Variants in DYRK1A observed in about 807,000 individuals in gnomAD.
The protein encoded by DYRK1A is dual specificity tyrosine-phosphorylation-regulated kinase 1A.
DYRK1A carries 9 observed loss-of-function variants against 79.7 expected under a neutral mutation model. The ratio of observed to expected loss-of-function variants is 0.11; its 90% confidence interval spans 0.07 to 0.20. The LOEUF (loss-of-function observed/expected upper bound fraction) is 0.20, where lower values mean the gene tolerates loss of function less well. DYRK1A is among the 10% of genes least tolerant of loss of function. The probability of loss-of-function intolerance (pLI) is 1.00; values close to 1 mark genes in which losing one functional copy is unlikely to be tolerated. For missense variants in DYRK1A, 622 were observed against 956.0 expected (o/e 0.65, Z 4.61); for synonymous variants, 349 against 329.7 (o/e 1.06, Z -0.63).
At chr21:37,399,155 A>AG (rs11444449) in intron 1 of DYRK1A, among the ~76,000 whole-genome samples, 152,277 of 152,278 alleles carry the variant, frequency 1, 76,138 homozygotes, top group Non-Finnish European at 1. Context: ...GAGTAGAGAG[A>AG]GCAGAGCCCT....
intron 2 of DYRK1A, among the ~76,000 whole-genome samples, chr21:37,451,668 C>T (rs188849656): frequency 1.5e-3 from 234 of 151,388 alleles, no homozygotes; most frequent in African/African-American, 5.4e-3. Flanking sequence ...CTAGCGTGGG[C>T]GTGCAGTAGG....
intron 4 of DYRK1A, among the ~76,000 whole-genome samples, chr21:37,479,602 T>TTTTGTC (rs2052535576): frequency 1.4e-5 from 1 of 72,318 alleles, no homozygotes; most frequent in East Asian, 5.0e-4. Flanking sequence ...TTGTTTTTGT[T>TTTTGTC]TTTGTTTTTG....
intron 1 of DYRK1A, among the ~76,000 whole-genome samples, chr21:37,370,395 A>G (rs569140778): frequency 5.3e-5 from 8 of 151,802 alleles, no homozygotes; most frequent in Non-Finnish European, 1.2e-4. Flanking sequence ...GAAAATGTGG[A>G]TAGAATTAAC....
At chr21:37,375,960 C>G (rs1001779444) in intron 1 of DYRK1A, among the ~76,000 whole-genome samples, 1 of 152,034 alleles carries the variant, frequency 6.6e-6, no homozygotes, top group African/African-American at 2.4e-5. Flanking sequence ...CCAAGCCCCC[C>G]TCTTCCTATA....
intron 1 of DYRK1A, among the ~76,000 whole-genome samples, chr21:37,402,554 G>A (rs931416934): frequency 1.3e-5 from 2 of 152,056 alleles, no homozygotes; most frequent in African/African-American, 2.4e-5. Context: ...GCTTTAAGCT[G>A]TTTTACTCTG....
chr21:37,433,546 G>A (rs892058164), intron 2 of DYRK1A, among the ~76,000 whole-genome samples: 2 of 152,108 alleles, frequency 1.3e-5, no homozygotes, highest in African/African-American at 2.4e-5. Flanking sequence ...TTTATCCTTC[G>A]GAATTAAAGG....
chr21:37,412,757 G>C (rs1350118432), intron 1 of DYRK1A, among the ~76,000 whole-genome samples: 1 of 152,070 alleles, frequency 6.6e-6, no homozygotes, highest in African/African-American at 2.4e-5. Context: ...TGCGGGAATA[G>C]AGATGGGAAG....
intron 1 of DYRK1A, among the ~76,000 whole-genome samples, chr21:37,386,405 T>G (rs1314286921): frequency 6.6e-6 from 1 of 152,188 alleles, no homozygotes; most frequent in East Asian, 1.9e-4. Flanking sequence ...TTGTCAGACT[T>G]TCTCACGTCG....
At chr21:37,414,349 A>G (rs1265844135) in intron 1 of DYRK1A, among the ~76,000 whole-genome samples, 1 of 152,132 alleles carries the variant, frequency 6.6e-6, no homozygotes, top group Non-Finnish European at 1.5e-5. Flanking sequence ...TCTCTCTACC[A>G]TTAGTCGTGT....
At chr21:37,442,861 G>T (rs148154048) in intron 2 of DYRK1A, among the ~76,000 whole-genome samples, 25 of 152,240 alleles carry the variant, frequency 1.6e-4, no homozygotes, top group East Asian at 5.8e-4. Flanking sequence ...TTGAGACAGG[G>T]TCTCACTCTG....
At chr21:37,413,115 G>A (rs377103284) in intron 1 of DYRK1A, among the ~76,000 whole-genome samples, 5 of 152,240 alleles carry the variant, frequency 3.3e-5, no homozygotes, top group East Asian at 1.9e-4. Flanking sequence ...TAAGGGGGTA[G>A]CATTTCTCTG....
At chr21:37,397,620 G>C (rs2049980027) in intron 1 of DYRK1A, among the ~76,000 whole-genome samples, 1 of 152,144 alleles carries the variant, frequency 6.6e-6, no homozygotes, top group African/African-American at 2.4e-5. Context: ...ATATCACCAG[G>C]CCTCTTGGGC....
intron 2 of DYRK1A, among the ~76,000 whole-genome samples, chr21:37,422,248 C>T (rs1219390254): frequency 6.6e-6 from 1 of 152,100 alleles, no homozygotes; most frequent in Admixed American, 6.5e-5. Context: ...AATATATTAG[C>T]TGTTGGTGTA....
chr21:37,448,682 A>G lies in DYRK1A; in HGVS notation c.11-24002A>G, dbSNP rs118002067. ...GGAGGGAAATATATATAAAACAAGT[A>G]TTTAAAATTTTTTTTGTTTGTTTTT... On this transcript the variant is annotated intron_variant, in intron 2 of 11. Coordinates refer to ENST00000647188, the MANE Select transcript of DYRK1A (RefSeq NM_001347721.2). Among the ~76,000 whole-genome samples the G allele has an allele frequency of 4.0e-4, 61 of 152,272 alleles. 1 individual carries two copies. The East Asian group carries it at 0.011, about 27-fold the overall frequency.
chr21:37,438,211 C>G (rs955766690), intron 2 of DYRK1A, among the ~76,000 whole-genome samples: 1 of 152,076 alleles, frequency 6.6e-6, no homozygotes, highest in East Asian at 1.9e-4. Flanking sequence ...ACATTTGATA[C>G]AAATCCTTTA....
At chr21:37,451,127 G>A (rs536624868) in intron 2 of DYRK1A, among the ~76,000 whole-genome samples, 4 of 152,216 alleles carry the variant, frequency 2.6e-5, no homozygotes, top group South Asian at 2.1e-4. Flanking sequence ...AAACATTTTT[G>A]TACAGTTGTG....
In DYRK1A at chr21:37,479,617, T is replaced by TG. The variant is rs1316266734; in HGVS notation, c.301-1021_301-1020insG. 2.0e-3 allele frequency among the ~76,000 whole-genome samples: 186 copies of TG among 95,050 alleles called. 4 individuals carry two copies. Among genetic ancestry groups the TG allele is most frequent in the Non-Finnish European group, 2.5e-3 (123 of 50,090 alleles). The allele number at this position is 95,050 out of a possible 152,430, so 62.4% of individuals were successfully genotyped here. ...TTGTTTTTGTTTTTGTTTTTGTTTT[T>TG]TGTTTTTTTTTTTTTTTTTGGAGAC... On this transcript the variant is annotated intron_variant, in intron 4 of 11. Coordinates refer to ENST00000647188, the MANE Select transcript of DYRK1A (RefSeq NM_001347721.2).
intron 2 of DYRK1A, among the ~76,000 whole-genome samples, chr21:37,455,758 A>G (rs144475374): frequency 8.5e-5 from 13 of 152,200 alleles, no homozygotes; most frequent in East Asian, 5.8e-4. Flanking sequence ...CATTCGTTCT[A>G]TCATTTAGCA....
chr21:37,462,178 C>T (rs1019619867), intron 2 of DYRK1A, among the ~76,000 whole-genome samples: 1 of 152,084 alleles, frequency 6.6e-6, no homozygotes, highest in Non-Finnish European at 1.5e-5. Context: ...ATTTTTTCCT[C>T]CCGAATACAG....
Sources: gnomAD v4.1 joint callset for allele counts (sites outside exome capture counted in the v4.1 genomes callset) on GRCh38, gnomAD v4.1.1 for gene constraint, MANE v1.5 for transcripts, NCBI Gene and HGNC (gene_info 2026-07-23, HGNC 2026-07-21) for gene names.